Variants in TRIM24 observed in about 807,000 individuals in gnomAD.
The protein encoded by TRIM24 is transcription intermediary factor 1-alpha.
TRIM24 carries 29 observed loss-of-function variants against 123.9 expected under a neutral mutation model. The ratio of observed to expected loss-of-function variants is 0.23; its 90% CI spans 0.17 to 0.32. The LOEUF is 0.32. TRIM24 is among the 10% of genes least tolerant of loss of function. TRIM24 has a pLI of 1.00. For synonymous variants in TRIM24, 456 were observed against 461.1 expected (o/e 0.99, Z 0.14); for missense variants, 932 against 1,295.3 (o/e 0.72, Z 4.31).
At chr7:138,544,041 G>C (rs1438081668) in intron 7 of TRIM24, among the ~76,000 whole-genome samples, 2 of 151,916 alleles carry the variant, frequency 1.3e-5, no homozygotes, top group Non-Finnish European at 2.9e-5. Context: ...TGTCACCCCA[G>C]CTGTCTTGAA....
chr7:138,580,495 G>C, intron 15 of TRIM24, 67 bp from the exon 16 acceptor site: 1 of 1,545,520 alleles, frequency 6.5e-7, no homozygotes, highest in Non-Finnish European at 8.7e-7. Context: ...GGAGGAGGTG[G>C]GAAAGGGAAA....
chr7:138,507,696 A>G (rs1248451156), intron 2 of TRIM24, among the ~76,000 whole-genome samples: 5 of 152,140 alleles, frequency 3.3e-5, no homozygotes, highest in Admixed American at 3.3e-4. Flanking sequence ...ATGAATTTCT[A>G]TGTAAAAATA....
At chr7:138,569,136 C>T (rs1797600664) in intron 10 of TRIM24, among the ~76,000 whole-genome samples, 1 of 152,200 alleles carries the variant, frequency 6.6e-6, no homozygotes, top group African/African-American at 2.4e-5. Flanking sequence ...TCGCATCTCC[C>T]TTGCCTCAGC....
intron 1 of TRIM24, among the ~76,000 whole-genome samples, chr7:138,491,927 C>CA (rs1411998385): frequency 9.3e-5 from 14 of 150,890 alleles, no homozygotes; most frequent in East Asian, 5.9e-4. Context: ...TGTTGAAAAT[C>CA]ATTTCATGTG....
intron 14 of TRIM24, among the ~76,000 whole-genome samples, chr7:138,578,312 C>T (rs900733673): frequency 7.2e-5 from 11 of 151,950 alleles, no homozygotes; most frequent in Admixed American, 2.0e-4. Flanking sequence ...CACCTGAGTA[C>T]GAATGTAACT....
In TRIM24 at chr7:138,486,116, C is replaced by T. The variant is rs546278808; in HGVS notation, c.365-18174C>T. On this transcript the variant is annotated intron_variant, in intron 1 of 18. Coordinates refer to ENST00000343526, the MANE Select transcript of TRIM24 (RefSeq NM_015905.3). ...TGATGATGAGCATTTTTCATGTGTC[C>T]GTTGGCTGCATACATGTTTTCTTTT... Among the ~76,000 whole-genome samples the T allele has an allele frequency of 5.9e-5, 9 of 152,204 alleles. No homozygotes were observed. The East Asian group carries it at 1.2e-3, about 20-fold the overall frequency.
intron 9 of TRIM24, among the ~76,000 whole-genome samples, chr7:138,557,920 G>A (rs1224444632): frequency 6.6e-6 from 1 of 150,504 alleles, no homozygotes; most frequent in East Asian, 2.0e-4. Flanking sequence ...CGCCCAGGTG[G>A]CTGACCCATA....
rs149213857 is a variant in TRIM24 at position 138,495,838 on chromosome 7, A to C, written c.365-8452A>C. On this transcript the variant is annotated intron_variant, in intron 1 of 18. Coordinates refer to ENST00000343526, the MANE Select transcript of TRIM24 (RefSeq NM_015905.3). ...TTGTAGGCTCTGTTACTTCACTTCT[A>C]CGAAATTCTTGCCCATTTTATTTTC... Among the ~76,000 whole-genome samples the C allele has an allele frequency of 2.0e-5, 3 of 152,304 alleles. No homozygotes were observed. The East Asian group carries it at 5.8e-4, about 29-fold the overall frequency.
chr7:138,496,795 C>T (rs1232858904), intron 1 of TRIM24, among the ~76,000 whole-genome samples: 1 of 151,872 alleles, frequency 6.6e-6, no homozygotes, highest in African/African-American at 2.4e-5. Context: ...GCCTCTGTGC[C>T]CAGCCAAAAT....
rs143658286 is a variant in TRIM24 at position 138,504,650 on chromosome 7, C to T, written c.483+242C>T. On this transcript the variant is annotated intron_variant, in intron 2 of 18. Transcript: ENST00000343526. ...TAGTTTTTTGTATTTTTAGTAGAGACGGGGTTTCACCATGTTAGCTAGGAT... is the reference window on the plus strand; with the variant it reads ...TAGTTTTTTGTATTTTTAGTAGAGATGGGGTTTCACCATGTTAGCTAGGAT... 1.5e-3 allele frequency among the ~76,000 whole-genome samples: 231 copies of T among 151,652 alleles called. 1 individual carries two copies. Among genetic ancestry groups the T allele is most frequent in the African/African-American group, 4.6e-3 (192 of 41,376 alleles).
chr7:138,461,516 CGTT>C (rs1263536738), intron 1 of TRIM24, among the ~76,000 whole-genome samples: 48 of 152,252 alleles, frequency 3.2e-4, no homozygotes, highest in Non-Finnish European at 1.9e-4. Flanking sequence ...AACCAAGAGA[CGTT>C]GTTTTGTTGT....
chr7:138,498,450 C>G (rs1459130722), intron 1 of TRIM24, among the ~76,000 whole-genome samples: 1 of 151,770 alleles, frequency 6.6e-6, no homozygotes, highest in Non-Finnish European at 1.5e-5. Context: ...GTCTTGAACT[C>G]TTGAGCTCAA....
intron 2 of TRIM24, among the ~76,000 whole-genome samples, chr7:138,510,851 A>G (rs1465584810): frequency 6.6e-6 from 1 of 152,256 alleles, no homozygotes; most frequent in East Asian, 1.9e-4. Context: ...TTTTTAAAAT[A>G]TTGTATAACT....
chr7:138,460,848 G>A lies in TRIM24; in HGVS notation c.300G>A (p.Glu100=). 1 of 1,564,842 alleles carries A rather than the reference G, an allele frequency of 6.4e-7. No homozygotes were observed. ...MLPAPMLGSA[E]TPPPVPAPGS... Reference sequence around the variant, plus strand: ...CCGCGCCCATGCTGGGCTCGGCCGAGACCCCGCCACCCGTCCCTGCCCCCG... The same window carrying A: ...CCGCGCCCATGCTGGGCTCGGCCGAAACCCCGCCACCCGTCCCTGCCCCCG... Residue 100 remains glutamate, a synonymous_variant, in exon 1 of 19, where the codon GAG becomes GAA. Coordinates refer to ENST00000343526, the MANE Select transcript of TRIM24 (RefSeq NM_015905.3).
At position 138,554,248 on chromosome 7, in the gene TRIM24, T is replaced by C. The variant is rs1290935034; in HGVS notation, c.1262-450T>C. On this transcript the variant is annotated intron_variant, in intron 8 of 18. Coordinates refer to ENST00000343526, the MANE Select transcript of TRIM24 (RefSeq NM_015905.3). This position sits in a 1 kb window ranked among gnomAD's most constrained non-coding sequence, Gnocchi z 4.5. ...TAAGTTATTGCTGTCAGGTGCTGTC[T>C]GCCATACAGTGAGACTGAAATTTTT... 6.6e-6 allele frequency among the ~76,000 whole-genome samples: 1 copy of C among 152,204 alleles called. No individual in the cohort carries two copies. Among genetic ancestry groups the C allele is most frequent in the Non-Finnish European group, 1.5e-5 (1 of 68,040 alleles).
At chr7:138,556,574 GT>G (rs1797321031) in intron 9 of TRIM24, among the ~76,000 whole-genome samples, 1 of 152,242 alleles carries the variant, frequency 6.6e-6, no homozygotes, top group African/African-American at 2.4e-5. Flanking sequence ...TCTTTGAGAA[GT>G]TGTGATCATA....
chr7:138,508,212 T>C (rs1796191269), intron 2 of TRIM24, among the ~76,000 whole-genome samples: 1 of 152,198 alleles, frequency 6.6e-6, no homozygotes. Context: ...TATTCTGAAT[T>C]TTGCTGATAA....
chr7:138,550,945 C>A, intron 7 of TRIM24, 118 bp from the exon 8 acceptor site: 1 of 775,292 alleles, frequency 1.3e-6, no homozygotes, highest in Non-Finnish European at 2.1e-6. Context: ...GTCCAACAAA[C>A]CTATATATGA....
At chr7:138,470,177 C>T (rs1172950356) in intron 1 of TRIM24, among the ~76,000 whole-genome samples, 1 of 123,990 alleles carries the variant, frequency 8.1e-6, no homozygotes, top group Non-Finnish European at 1.6e-5. Context: ...TGTCACCAGG[C>T]TGGAGTGCAG....
Sources: gnomAD v4.1 joint callset for allele counts (sites outside exome capture counted in the v4.1 genomes callset) on GRCh38, gnomAD v4.1.1 for gene constraint, Gnocchi (gnomAD v3.1) non-coding constraint, MANE v1.5 for transcripts, NCBI Gene and HGNC (gene_info 2026-07-23, HGNC 2026-07-21) for gene names.